Variants in SLCO2B1 observed in about 807,000 individuals in gnomAD.
SLCO2B1 encodes solute carrier organic anion transporter family member 2B1.
A neutral mutation model predicts 67.3 loss-of-function variants in SLCO2B1; 41 were observed. The ratio of observed to expected loss-of-function variants is 0.61; its 90% CI spans 0.47 to 0.79. The LOEUF (loss-of-function observed/expected upper bound fraction) is 0.79. Ranked by LOEUF, SLCO2B1 falls within the 30% of genes least tolerant of loss-of-function variation. SLCO2B1 has a pLI of 0.00. For synonymous variants in SLCO2B1, 379 were observed against 381.4 expected (o/e 0.99, Z 0.07); for missense variants, 837 against 920.1 (o/e 0.91, Z 1.17).
intron 9 of SLCO2B1, 178 bp from the exon 10 acceptor site, chr11:75,196,336 C>A: frequency 1.6e-6 from 1 of 620,814 alleles, no homozygotes; most frequent in Non-Finnish European, 2.8e-6. Context: ...CATACTTGCC[C>A]ACCTTCATTG....
chr11:75,153,924 C>CT (rs538639501), intron 1 of SLCO2B1, among the ~76,000 whole-genome samples: 29,663 of 123,892 alleles, frequency 0.24, 4,246 homozygotes, highest in Admixed American at 0.37. Flanking sequence ...GTGTACAGTA[C>CT]TTTTTTTTTT....
chr11:75,156,166 G>A (rs1333538927), intron 1 of SLCO2B1, among the ~76,000 whole-genome samples: 1 of 152,172 alleles, frequency 6.6e-6, no homozygotes, highest in Non-Finnish European at 1.5e-5. Flanking sequence ...AGGTCACATA[G>A]CTACGATATG....
rs1445731520 is a variant in SLCO2B1 at position 75,206,291 on chromosome 11, T to C, written c.*1711T>C. The C allele has an allele frequency of 6.6e-6, 1 of 152,282 alleles. No homozygotes were observed. The highest frequency in any genetic ancestry group is 2.4e-5 in the African/African-American group (1 of 41,484). 9.4% of individuals were successfully genotyped at this position (152,282 alleles called of 1,614,324 possible). ...TTACAAAAATTCTTTCTTCATAAAC[T>C]GCATTAGAGGTTTGCAACAACCACA... On this transcript the variant is annotated 3_prime_UTR_variant, in exon 14 of 14. Coordinates refer to ENST00000289575, the MANE Select transcript of SLCO2B1 (RefSeq NM_007256.5).
chr11:75,204,680 C>A lies in SLCO2B1; in HGVS notation c.*100C>A. ...GGTGTCAAGAGCCCTGTGTTCCATT[C>A]TGGCTCCTCCACTAAATTGCTGTGT... On this transcript the variant is annotated 3_prime_UTR_variant, in exon 14 of 14. Transcript: ENST00000289575. The A allele has an allele frequency of 9.7e-7, 1 of 1,025,926 alleles. No individual in the cohort carries two copies. The highest frequency in any genetic ancestry group is 1.4e-6 in the Non-Finnish European group (1 of 729,852). The allele number at this position is 1,025,926 out of a possible 1,614,324, so 63.6% of individuals were successfully genotyped here.
At chr11:75,190,953 T>A (rs1945014253) in intron 8 of SLCO2B1, among the ~76,000 whole-genome samples, 1 of 152,218 alleles carries the variant, frequency 6.6e-6, no homozygotes, top group South Asian at 2.1e-4. Flanking sequence ...GGTAGACCTA[T>A]CTCAGTGAAA....
rs1458711343 is a variant in SLCO2B1 at position 75,203,393 on chromosome 11, T to C, written c.1915T>C (p.Cys639Arg). 6.2e-7 allele frequency: 1 copy of C among 1,614,100 alleles called. No homozygotes were observed. The highest frequency in any genetic ancestry group is 8.5e-7 in the Non-Finnish European group (1 of 1,180,036). The change falls in exon 13 of 14, where the codon TGT becomes CGT. Residue 639 changes from cysteine to arginine, a missense_variant. Cys to Arg is a radical substitution (Grantham distance 180). Coordinates refer to ENST00000289575, the MANE Select transcript of SLCO2B1 (RefSeq NM_007256.5). Reference sequence around the variant, plus strand: ...CCTGAGCTGTGGGCGTCGAGCTGTCTGTCGCTACTACAATAATGACCTGCT... The same window carrying C: ...CCTGAGCTGTGGGCGTCGAGCTGTCCGTCGCTACTACAATAATGACCTGCT... The part of the protein sequence containing the change: ...WALSCGRRAV[C>R]RYYNNDLLRN...
chr11:75,199,013 C>T (rs117451725), intron 10 of SLCO2B1, among the ~76,000 whole-genome samples: 157 of 152,278 alleles, frequency 1.0e-3, no homozygotes, highest in Admixed American at 3.6e-3. Flanking sequence ...CCAGCCTTTG[C>T]GTTCATCCTG....
In SLCO2B1 at chr11:75,200,075, C is replaced by T. The variant is rs867884859; in HGVS notation, c.1600-149C>T. 25 of 746,596 alleles carry T rather than the reference C, an allele frequency of 3.3e-5. No homozygotes were observed. The South Asian group carries it at 4.1e-4, about 12-fold the overall frequency. 46.2% of individuals were successfully genotyped at this position (746,596 alleles called of 1,614,324 possible). A position where few individuals can be genotyped will look rare whatever the true frequency, so the allele number is the denominator to read the frequency against. The stretch of plus-strand genomic sequence containing the variant: ...GCTCCTCAAGCCGTCTTTGCTCAGC[C>T]AACGGGTCACGATCTCGGACTCCCA... On this transcript the variant is annotated intron_variant, in intron 10 of 13. Transcript: ENST00000289575.
At chr11:75,165,197 T>A (rs1482765761) in intron 3 of SLCO2B1, among the ~76,000 whole-genome samples, 1 of 152,078 alleles carries the variant, frequency 6.6e-6, no homozygotes, top group African/African-American at 2.4e-5. Flanking sequence ...TTTGGGAGGC[T>A]GAGGTGGGTG....
At chr11:75,173,346 A>G (rs956596533) in intron 7 of SLCO2B1, among the ~76,000 whole-genome samples, 1 of 152,230 alleles carries the variant, frequency 6.6e-6, no homozygotes, top group East Asian at 1.9e-4. Flanking sequence ...GATTCTAGGC[A>G]CAGAAGCACC....
chr11:75,155,778 G>T (rs1313765765), intron 1 of SLCO2B1, among the ~76,000 whole-genome samples: 2 of 152,188 alleles, frequency 1.3e-5, no homozygotes, highest in African/African-American at 2.4e-5. Context: ...GGCCTCGAAA[G>T]ATAAGTGGTT....
intron 1 of SLCO2B1, among the ~76,000 whole-genome samples, chr11:75,153,123 G>A (rs1170652524): frequency 1.3e-5 from 2 of 152,200 alleles, no homozygotes; most frequent in Non-Finnish European, 2.9e-5. Context: ...TGCTCAGGAA[G>A]CCCCTGCCCA....
chr11:75,196,386 T>C, intron 9 of SLCO2B1, 128 bp from the exon 10 acceptor site: 1 of 931,460 alleles, frequency 1.1e-6, no homozygotes, highest in Non-Finnish European at 1.6e-6. Flanking sequence ...GCAGCCCTGA[T>C]GATGAAAATC....
intron 1 of SLCO2B1, among the ~76,000 whole-genome samples, chr11:75,156,731 C>A (rs774050297): frequency 1.3e-5 from 2 of 152,188 alleles, no homozygotes; most frequent in Non-Finnish European, 2.9e-5. Context: ...AGAGCAGCCC[C>A]GAGGGCTGCT....
At chr11:75,183,287 A>G (rs976670563) in intron 7 of SLCO2B1, among the ~76,000 whole-genome samples, 6 of 152,202 alleles carry the variant, frequency 3.9e-5, no homozygotes, top group Admixed American at 3.3e-4. Flanking sequence ...TTTTATGCCT[A>G]CAGCACATCT....
chr11:75,201,686 T>A (rs1318057974), intron 11 of SLCO2B1: 1 of 152,240 alleles, frequency 6.6e-6, no homozygotes, highest in Non-Finnish European at 1.5e-5. Context: ...TTAATGTTTA[T>A]CGGTTTATTA....
At chr11:75,194,594 T>G (rs1157627638) in intron 9 of SLCO2B1, among the ~76,000 whole-genome samples, 2 of 147,562 alleles carry the variant, frequency 1.4e-5, no homozygotes, top group African/African-American at 5.0e-5. Flanking sequence ...TTTTCCCACA[T>G]AGGGAGGCAA....
intron 8 of SLCO2B1, 34 bp downstream of exon 8, chr11:75,188,272 G>C (rs574217514): frequency 7.2e-7 from 1 of 1,381,516 alleles, no homozygotes; most frequent in Non-Finnish European, 1.0e-6. Context: ...TGGGGAGCCA[G>C]GGCCAGAGGG....
At chr11:75,185,087 C>G (rs1238199767) in intron 7 of SLCO2B1, among the ~76,000 whole-genome samples, 1 of 152,228 alleles carries the variant, frequency 6.6e-6, no homozygotes, top group African/African-American at 2.4e-5. Context: ...AATGAATCGT[C>G]CTGCTGGGAC....
Sources: gnomAD v4.1 joint callset for allele counts (sites outside exome capture counted in the v4.1 genomes callset) on GRCh38, gnomAD v4.1.1 for gene constraint, MANE v1.5 for transcripts, NCBI Gene and HGNC (gene_info 2026-07-23, HGNC 2026-07-21) for gene names.